Variants in CRIM1 observed in about 807,000 individuals in gnomAD.
CRIM1 encodes the protein cysteine-rich motor neuron 1 protein.
A neutral mutation model predicts 116.4 loss-of-function variants in CRIM1; 32 were observed. The ratio of observed to expected loss-of-function variants is 0.27; its 90% CI spans 0.21 to 0.37. The LOEUF (loss-of-function observed/expected upper bound fraction) is 0.37. Ranked by LOEUF, CRIM1 falls within the 10% of genes least tolerant of loss-of-function variation. CRIM1 has a pLI of 1.00. For synonymous variants in CRIM1, 590 were observed against 509.2 expected, an observed-to-expected ratio of 1.16 and a Z score of -2.13; for missense variants, 1,331 against 1,354.8, an observed-to-expected ratio of 0.98 and a Z score of 0.28.
At chr2:36,534,417 A>G (rs1258108104) in intron 13 of CRIM1, among the ~76,000 whole-genome samples, 2 of 129,022 alleles carry the variant, frequency 1.6e-5, no homozygotes, top group African/African-American at 6.4e-5. Flanking sequence ...AAAAATACAG[A>G]CAGGAAGGAA....
At chr2:36,376,475 G>C (rs907831251) in intron 1 of CRIM1, among the ~76,000 whole-genome samples, 2 of 152,184 alleles carry the variant, frequency 1.3e-5, no homozygotes, top group African/African-American at 2.4e-5. Context: ...TCGCATGAGC[G>C]GGAGGAGGAG....
At chr2:36,475,096 A>T (rs952198479) in intron 5 of CRIM1, among the ~76,000 whole-genome samples, 1 of 152,150 alleles carries the variant, frequency 6.6e-6, no homozygotes, top group South Asian at 2.1e-4. Flanking sequence ...TTGCATTTTC[A>T]TATGAATTTT....
intron 5 of CRIM1, among the ~76,000 whole-genome samples, chr2:36,465,450 A>C (rs1677932697): frequency 6.6e-6 from 1 of 152,234 alleles, no homozygotes; most frequent in South Asian, 2.1e-4. Flanking sequence ...ACACAGGAAG[A>C]TGGAGATGGA....
chr2:36,538,916 T>C (rs781653213), intron 14 of CRIM1, among the ~76,000 whole-genome samples: 4 of 152,366 alleles, frequency 2.6e-5, no homozygotes, highest in Non-Finnish European at 4.4e-5. Flanking sequence ...CTTTTAATGA[T>C]ATAAATGATG....
intron 13 of CRIM1, among the ~76,000 whole-genome samples, chr2:36,527,770 A>C (rs1437605781): frequency 6.6e-6 from 1 of 152,354 alleles, no homozygotes; most frequent in East Asian, 1.9e-4. Context: ...AAGCTATACA[A>C]CCCATGAAAC....
intron 13 of CRIM1, among the ~76,000 whole-genome samples, chr2:36,529,984 C>T (rs1666004419): frequency 6.6e-6 from 1 of 152,124 alleles, no homozygotes; most frequent in African/African-American, 2.4e-5. Flanking sequence ...AGTCAGCCGA[C>T]ATGACAGCAT....
Position 36,360,566 on chromosome 2 carries a change from C to CA in CRIM1, c.331+3949dup, listed in dbSNP as rs374818647. Among the ~76,000 whole-genome samples, 675 of 152,140 alleles carry CA rather than the reference C, an allele frequency of 4.4e-3. 4 individuals are homozygous for CA. Among genetic ancestry groups the CA allele is most frequent in the African/African-American group, 0.015 (640 of 41,492 alleles). The stretch of plus-strand genomic sequence containing the variant: ...TGTATACATAGTGGGGTACTTACAG[C>CA]AAAAAACAGAATTTTGTTTCCTGAA... On this transcript the variant is annotated intron_variant, in intron 1 of 16. Coordinates refer to ENST00000280527, the MANE Select transcript of CRIM1 (RefSeq NM_016441.3).
chr2:36,509,255 C>G (rs900998395), intron 8 of CRIM1, among the ~76,000 whole-genome samples: 8 of 152,190 alleles, frequency 5.3e-5, no homozygotes, highest in Non-Finnish European at 8.8e-5. Flanking sequence ...CAGTGACTCA[C>G]ACCTGTAACC....
chr2:36,436,297 G>T (rs1490923755), intron 2 of CRIM1, among the ~76,000 whole-genome samples: 1 of 152,108 alleles, frequency 6.6e-6, no homozygotes, highest in Non-Finnish European at 1.5e-5. Flanking sequence ...GAAGATGCAG[G>T]GTGAGTAGGG....
chr2:36,441,305 C>G lies in CRIM1; in HGVS notation c.553C>G (p.Pro185Ala). The G allele has an allele frequency of 6.2e-7, 1 of 1,614,188 alleles. No individual in the cohort carries two copies. Among genetic ancestry groups the G allele is most frequent in the Non-Finnish European group, 8.5e-7 (1 of 1,180,024 alleles). The stretch of plus-strand genomic sequence containing the variant: ...GGCCCGCTGTGAAGTCCAGTTCTCT[C>G]CACGTTGTCCTGAAGATTCTGTTCT... ...SKARCEVQFS[P>A]RCPEDSVLIE... The change falls in exon 3 of 17, where the codon CCA becomes GCA. Residue 185 changes from proline (P) to alanine (A), a missense_variant. By Grantham distance (27) the Pro-to-Ala change is conservative. Around this residue, in one of 3 missense-constraint regions of CRIM1, gnomAD observed 690 missense variants for 676.0 expected, o/e 1.02. Coordinates refer to ENST00000280527, the MANE Select transcript of CRIM1 (RefSeq NM_016441.3).
chr2:36,508,391 A>G (rs1057399679), intron 8 of CRIM1, among the ~76,000 whole-genome samples: 3 of 152,192 alleles, frequency 2.0e-5, no homozygotes, highest in Admixed American at 6.5e-5. Flanking sequence ...TATTCATTGT[A>G]GTTAAGTTTT....
At chr2:36,384,349 G>T (rs1375492116) in intron 1 of CRIM1, among the ~76,000 whole-genome samples, 1 of 152,224 alleles carries the variant, frequency 6.6e-6, no homozygotes, top group Non-Finnish European at 1.5e-5. Flanking sequence ...AGTGTGAGGG[G>T]TCAGACTTGA....
chr2:36,468,353 C>T (rs1231627691), intron 5 of CRIM1, among the ~76,000 whole-genome samples: 6 of 152,166 alleles, frequency 3.9e-5, no homozygotes, highest in Non-Finnish European at 7.3e-5. Flanking sequence ...GCAGAGAGAG[C>T]ATCCTCCATA....
chr2:36,381,646 G>C (rs544468519), intron 1 of CRIM1, among the ~76,000 whole-genome samples: 1 of 152,332 alleles, frequency 6.6e-6, no homozygotes, highest in Non-Finnish European at 1.5e-5. Flanking sequence ...TTCCAGCCAG[G>C]TGCAGTGGCT....
chr2:36,533,087 A>G (rs1391532006), intron 13 of CRIM1, among the ~76,000 whole-genome samples: 1 of 152,168 alleles, frequency 6.6e-6, no homozygotes. Context: ...GAGTGCTTAA[A>G]ATACATTTAT....
intron 1 of CRIM1, among the ~76,000 whole-genome samples, chr2:36,389,383 G>T (rs1034442293): frequency 1.3e-5 from 2 of 152,120 alleles, no homozygotes; most frequent in African/African-American, 2.4e-5. Context: ...GAGTTTTTAG[G>T]CTGGCATGAA....
chr2:36,476,738 T>G (rs990217691), intron 5 of CRIM1, 151 bp from the exon 6 acceptor site: 14 of 644,160 alleles, frequency 2.2e-5, no homozygotes, highest in Non-Finnish European at 3.8e-5. Context: ...ACTTTATTGT[T>G]TTCTGTTACA....
rs146325272 is a variant in CRIM1, at chr2:36,468,369, T to G, written c.991+3714T>G. On this transcript the variant is annotated intron_variant, in intron 5 of 16. Transcript: ENST00000280527. ...CAGAGAGAGCATCCTCCATAAATAT[T>G]ACTTTGTTTTTGTAGTTTGATTTTA... Among the ~76,000 whole-genome samples, 84 of 152,338 alleles carry G rather than the reference T, an allele frequency of 5.5e-4. 1 individual carries two copies. The East Asian group carries it at 0.015, about 28-fold the overall frequency.
chr2:36,491,261 G>T (rs1160955924), intron 7 of CRIM1, among the ~76,000 whole-genome samples: 1 of 152,114 alleles, frequency 6.6e-6, no homozygotes, highest in Non-Finnish European at 1.5e-5. Flanking sequence ...TCATATGATC[G>T]TATTTTAACC....
Sources: gnomAD v4.1 joint callset for allele counts (sites outside exome capture counted in the v4.1 genomes callset) on GRCh38, gnomAD v4.1.1 for gene constraint, gnomAD v4.1.1 regional missense constraint, MANE v1.5 for transcripts, NCBI Gene and HGNC (gene_info 2026-07-23, HGNC 2026-07-21) for gene names.